FBLN2: variants seen among roughly 807,000 people sequenced by gnomAD.
FBLN2 encodes the protein fibulin-2.
In FBLN2, 81 loss-of-function variants were observed where a neutral mutation model predicts 123.7. That is an observed-to-expected ratio of 0.65 (90% CI 0.55 to 0.79). FBLN2 has a LOEUF of 0.79. Ranked by LOEUF, FBLN2 falls within the 30% of genes least tolerant of loss-of-function variation. FBLN2 has a pLI of 0.00. For synonymous variants in FBLN2, 699 were observed against 701.4 expected (o/e 1.00, Z 0.05); for missense variants, 1,603 against 1,681.3 (o/e 0.95, Z 0.81).
rs1706530083 is a variant in FBLN2, at chr3:13,637,757, C to A, written c.3534C>A (p.Gly1178=). Residue 1178 remains glycine (G), a synonymous_variant, in exon 18 of 18, where the codon GGC becomes GGA. Transcript: ENST00000404922. ...AGGGCAATGAGGAGGGCTACTTTGG[C>A]ACGCGCAGGCTCAATGCCTACACGG... ...IIKGNEEGYF[G]TRRLNAYTGV... 3 of 1,613,950 alleles carry A rather than the reference C, an allele frequency of 1.9e-6. No homozygotes were observed. The highest frequency in any genetic ancestry group is 4.5e-5 in the East Asian group (2 of 44,884).
chr3:13,554,111 A>G (rs1225070152), intron 1 of FBLN2, among the ~76,000 whole-genome samples: 1 of 152,192 alleles, frequency 6.6e-6, no homozygotes, highest in Non-Finnish European at 1.5e-5. Flanking sequence ...GCCTGGTGGT[A>G]GGGGCCCCCA....
chr3:13,638,280 G>A lies in FBLN2; in HGVS notation c.*361G>A, dbSNP rs1706551851. 1 of 482,548 alleles carries A rather than the reference G, an allele frequency of 2.1e-6. No homozygotes were observed. Among genetic ancestry groups the A allele is most frequent in the East Asian group, 5.5e-5 (1 of 18,092 alleles). The allele number at this position is 482,548 out of a possible 1,614,324, so 29.9% of individuals were successfully genotyped here. On this transcript the variant is annotated 3_prime_UTR_variant, in exon 18 of 18. Coordinates refer to ENST00000404922, the MANE Select transcript of FBLN2 (RefSeq NM_001004019.2). ...GACATTCCATTTCATGTTCCACTGT[G>A]ATTAATTCTTTTCTTTTTTAAAAAA... is the stretch of plus-strand genomic sequence containing the variant.
intron 1 of FBLN2, among the ~76,000 whole-genome samples, chr3:13,566,733 T>C (rs1703759126): frequency 6.6e-6 from 1 of 152,202 alleles, no homozygotes; most frequent in Non-Finnish European, 1.5e-5. Context: ...ATGTGACATC[T>C]CAGGGTGGCC....
At chr3:13,594,064 G>C (rs1019363651) in intron 2 of FBLN2, among the ~76,000 whole-genome samples, 3 of 152,148 alleles carry the variant, frequency 2.0e-5, no homozygotes, top group African/African-American at 7.2e-5. Flanking sequence ...CATTTTCCCA[G>C]TTCTTTTCTG....
chr3:13,634,210 C>T (rs1350849295), intron 16 of FBLN2, among the ~76,000 whole-genome samples: 1 of 152,180 alleles, frequency 6.6e-6, no homozygotes, highest in Admixed American at 6.5e-5. Context: ...TTTGCTCTGT[C>T]ACCCACTTTT....
intron 4 of FBLN2, among the ~76,000 whole-genome samples, chr3:13,612,959 G>A (rs1705455413): frequency 1.3e-5 from 2 of 152,182 alleles, no homozygotes; most frequent in South Asian, 4.1e-4. Flanking sequence ...GCCACGCTCA[G>A]CTGATCCTGG....
chr3:13,588,815 C>T (rs1704584932), intron 2 of FBLN2, among the ~76,000 whole-genome samples: 1 of 152,184 alleles, frequency 6.6e-6, no homozygotes, highest in South Asian at 2.1e-4. Flanking sequence ...GGTGTGGGAA[C>T]ACCAAAATTG....
intron 6 of FBLN2, among the ~76,000 whole-genome samples, chr3:13,618,528 G>A (rs1482369039): frequency 2.6e-5 from 4 of 152,214 alleles, no homozygotes; most frequent in African/African-American, 9.7e-5. Context: ...TCGAGCGCAG[G>A]GACAGGCTCA....
intron 2 of FBLN2, among the ~76,000 whole-genome samples, chr3:13,585,218 C>A (rs897587962): frequency 6.6e-6 from 1 of 152,180 alleles, no homozygotes; most frequent in African/African-American, 2.4e-5. Flanking sequence ...CCAGCCGTGG[C>A]CATCAGGATA....
intron 2 of FBLN2, among the ~76,000 whole-genome samples, chr3:13,594,874 G>A (rs530178871): frequency 1.3e-5 from 2 of 152,332 alleles, no homozygotes; most frequent in South Asian, 2.1e-4. Flanking sequence ...GTGGCAGGGA[G>A]GGCCTTGCTT....
chr3:13,553,864 T>G (rs1703394109), intron 1 of FBLN2, among the ~76,000 whole-genome samples: 1 of 152,234 alleles, frequency 6.6e-6, no homozygotes, highest in Non-Finnish European at 1.5e-5. Context: ...GTCCCAGGTC[T>G]CACACCTTGT....
rs771943379 is a variant in FBLN2, at chr3:13,618,296, T to C, written c.1939+11T>C. On this transcript the variant is annotated intron_variant, in intron 6 of 17. Coordinates refer to ENST00000404922, the MANE Select transcript of FBLN2 (RefSeq NM_001004019.2). ...GCACTTGCCGCCCAGGTAAGGGCCCTGATGGCCAGGGCAGGGGCTATGGGA... is the reference window on the plus strand; with the variant it reads ...GCACTTGCCGCCCAGGTAAGGGCCCCGATGGCCAGGGCAGGGGCTATGGGA... 6.2e-7 allele frequency: 1 copy of C among 1,613,432 alleles called. No individual in the cohort carries two copies. The highest frequency in any genetic ancestry group is 8.5e-7 in the Non-Finnish European group (1 of 1,179,716).
intron 9 of FBLN2, among the ~76,000 whole-genome samples, chr3:13,625,497 G>A (rs1384794674): frequency 1.3e-5 from 2 of 152,086 alleles, no homozygotes; most frequent in Admixed American, 1.3e-4. Context: ...GTCCTCAGCT[G>A]CCTCTTCACC....
At chr3:13,556,038 G>A (rs945704488) in intron 1 of FBLN2, among the ~76,000 whole-genome samples, 1 of 152,208 alleles carries the variant, frequency 6.6e-6, no homozygotes, top group East Asian at 1.9e-4. Context: ...TGATGGAGGA[G>A]GCCCCAGCCC....
chr3:13,619,245 CA>C (rs750006993), intron 7 of FBLN2, among the ~76,000 whole-genome samples: 5 of 152,106 alleles, frequency 3.3e-5, no homozygotes, highest in Non-Finnish European at 5.9e-5. Context: ...TGTGTGACCC[CA>C]AACCAGCCAG....
chr3:13,564,051 G>A (rs944375400), intron 1 of FBLN2, among the ~76,000 whole-genome samples: 4 of 152,212 alleles, frequency 2.6e-5, no homozygotes, highest in South Asian at 2.1e-4. Context: ...CACAGCTTCA[G>A]TGTCAAGTGT....
chr3:13,629,157 C>T lies in FBLN2; in HGVS notation c.2714-7C>T, dbSNP rs972876725. 2 of 1,612,818 alleles carry T rather than the reference C, an allele frequency of 1.2e-6. No homozygotes were observed. Among genetic ancestry groups the T allele is most frequent in the Admixed American group, 1.7e-5 (1 of 59,978 alleles). ...AGGCCTCAAGGTACCCTGCTCACCC[C>T]CCACAGACGTGAATGAGTGTGAGAC... On this transcript the variant is annotated splice_region_variant and splice_polypyrimidine_tract_variant and intron_variant, in intron 12 of 17. Coordinates refer to ENST00000404922, the MANE Select transcript of FBLN2 (RefSeq NM_001004019.2).
intron 3 of FBLN2, 55 bp from the exon 4 acceptor site, chr3:13,609,458 C>T (rs1054988837): frequency 6.7e-6 from 10 of 1,493,988 alleles, no homozygotes; most frequent in Admixed American, 4.8e-5. Flanking sequence ...ACTCACTTTC[C>T]ACTCTGGGAG....
At chr3:13,630,678 T>C (rs749781019) in intron 14 of FBLN2, 21 bp from the exon 15 acceptor site, 24 of 1,566,988 alleles carry the variant, frequency 1.5e-5, no homozygotes, top group Middle Eastern at 3.4e-4. Context: ...CTGCCATGAC[T>C]GCCTGCTGGT....
Sources: gnomAD v4.1 joint callset for allele counts (sites outside exome capture counted in the v4.1 genomes callset) on GRCh38, gnomAD v4.1.1 for gene constraint, MANE v1.5 for transcripts, NCBI Gene and HGNC (gene_info 2026-07-23, HGNC 2026-07-21) for gene names.